EYA1: variants seen among roughly 807,000 people sequenced by gnomAD.
EYA1 encodes EYA transcriptional coactivator and phosphatase 1, also known as protein phosphatase EYA1.
EYA1 carries 16 observed loss-of-function variants against 82.0 expected under a neutral mutation model. The ratio of observed to expected loss-of-function variants is 0.20; its 90% CI spans 0.13 to 0.30. EYA1 has a LOEUF of 0.30. Ranked by LOEUF, EYA1 falls within the 10% of genes least tolerant of loss-of-function variation. EYA1 has a pLI of 1.00. For synonymous variants in EYA1, 261 were observed against 264.4 expected, an observed-to-expected ratio of 0.99 and a Z score of 0.12; for missense variants, 633 against 730.7, an observed-to-expected ratio of 0.87 and a Z score of 1.54.
chr8:71,371,700 C>T (rs1277686110), intron 2 of EYA1, among the ~76,000 whole-genome samples: 2 of 151,668 alleles, frequency 1.3e-5, no homozygotes, highest in Non-Finnish European at 2.9e-5. Flanking sequence ...AAAGCAAATG[C>T]CAGGAAAACA....
chr8:71,353,953 T>C, intron 3 of EYA1, among the ~76,000 whole-genome samples: 1 of 152,150 alleles, frequency 6.6e-6, no homozygotes, highest in East Asian at 1.9e-4. Flanking sequence ...AATTTTTCAA[T>C]AGACTAGAGT....
chr8:71,538,764 G>A (rs1250023929), intron 1 of EYA1, among the ~76,000 whole-genome samples: 1 of 152,116 alleles, frequency 6.6e-6, no homozygotes, highest in Non-Finnish European at 1.5e-5. Flanking sequence ...ATAGATTAGG[G>A]GGAAACACTG....
chr8:71,441,202 A>G (rs187073872), intron 2 of EYA1, among the ~76,000 whole-genome samples: 142 of 152,310 alleles, frequency 9.3e-4, no homozygotes, highest in African/African-American at 3.4e-3. Flanking sequence ...ACTAATATAG[A>G]TACACCTATG....
At chr8:71,211,401 T>C in intron 16 of EYA1, 145 bp from the exon 17 acceptor site, 1 of 666,518 alleles carries the variant, frequency 1.5e-6, no homozygotes, top group Non-Finnish European at 2.7e-6. Flanking sequence ...TTTATGCCAC[T>C]TGGGTTGTAT....
intron 2 of EYA1, among the ~76,000 whole-genome samples, chr8:71,411,518 T>A (rs1205043472): frequency 3.6e-5 from 5 of 138,364 alleles, no homozygotes; most frequent in Non-Finnish European, 7.8e-5. Context: ...TACAATGAAC[T>A]CAAACAAATT....
intron 2 of EYA1, among the ~76,000 whole-genome samples, chr8:71,395,980 G>C (rs1438158940): frequency 6.6e-6 from 1 of 152,158 alleles, no homozygotes. Flanking sequence ...CCTGTAATTG[G>C]TCTATTCAGG....
At chr8:71,314,231 C>A (rs1414004834) in intron 7 of EYA1, among the ~76,000 whole-genome samples, 2 of 152,046 alleles carry the variant, frequency 1.3e-5, no homozygotes, top group East Asian at 3.9e-4. Context: ...TAAAAAGACA[C>A]TCAAAGGTCA....
intron 2 of EYA1, among the ~76,000 whole-genome samples, chr8:71,406,491 C>G (rs867316261): frequency 1.3e-5 from 2 of 152,186 alleles, no homozygotes; most frequent in Admixed American, 6.5e-5. Context: ...GAGTGCCAGA[C>G]AGTGGGCGCA....
At chr8:71,317,761 TC>T in intron 6 of EYA1, 72 bp from the exon 7 acceptor site, 1 of 1,419,622 alleles carries the variant, frequency 7.0e-7, no homozygotes, top group Non-Finnish European at 9.9e-7. Context: ...AACATACACT[TC>T]CACAACCGTT....
intron 2 of EYA1, among the ~76,000 whole-genome samples, chr8:71,454,613 A>T (rs924737766): frequency 6.6e-6 from 1 of 152,202 alleles, no homozygotes; most frequent in African/African-American, 2.4e-5. Context: ...GGGTTAAGAA[A>T]CTCACTAAAA....
intron 12 of EYA1, among the ~76,000 whole-genome samples, chr8:71,228,937 G>C (rs1229156466): frequency 6.6e-6 from 1 of 152,194 alleles, no homozygotes; most frequent in Non-Finnish European, 1.5e-5. Context: ...AGGTTTTGCT[G>C]TTCCAGGCAA....
At position 71,271,134 on chromosome 8, in the gene EYA1, T is replaced by C. The variant is rs146077161; in HGVS notation, c.966+624A>G. Among the ~76,000 whole-genome samples the C allele has an allele frequency of 2.0e-5, 3 of 152,312 alleles. No homozygotes were observed. The East Asian group carries it at 5.8e-4, about 29-fold the overall frequency. On this transcript the variant is annotated intron_variant, in intron 10 of 17. Coordinates refer to ENST00000340726, the MANE Select transcript of EYA1 (RefSeq NM_000503.6). ...TCAAAACAACAAAAAGTGGATTTTA[T>C]TTATTTTTTGTATTTTTAATTTTTG... is the stretch of plus-strand genomic sequence containing the variant.
rs559018162 is a variant in EYA1 at position 71,372,112 on chromosome 8, A to G, written c.34-15601T>C. 1.2e-4 allele frequency among the ~76,000 whole-genome samples: 19 copies of G among 152,278 alleles called. No individual in the cohort carries two copies. In the East Asian group the frequency reaches 3.3e-3, roughly 26 times the overall value. ...ATTGAAAGAGCTCAATGATTACCCAACAAAAAGAGTAAAAACAACTCACAT... is the reference window on the plus strand; with the variant it reads ...ATTGAAAGAGCTCAATGATTACCCAGCAAAAAGAGTAAAAACAACTCACAT... On this transcript the variant is annotated intron_variant, in intron 2 of 18. Coordinates refer to the EYA1 transcript ENST00000643681.
At chr8:71,391,004 C>T (rs1369775360) in intron 2 of EYA1, among the ~76,000 whole-genome samples, 4 of 151,964 alleles carry the variant, frequency 2.6e-5, no homozygotes, top group Non-Finnish European at 4.4e-5. Context: ...GACAGGGTCT[C>T]GCTCTGTCAT....
chr8:71,343,697 G>A (rs972790085), intron 3 of EYA1, among the ~76,000 whole-genome samples: 3 of 152,170 alleles, frequency 2.0e-5, no homozygotes, highest in Non-Finnish European at 4.4e-5. Context: ...AAATTATCTT[G>A]TTTCAAGTAT....
chr8:71,382,424 A>G (rs2129101481), intron 2 of EYA1, among the ~76,000 whole-genome samples: 1 of 152,256 alleles, frequency 6.6e-6, no homozygotes, highest in African/African-American at 2.4e-5. Context: ...TAATTATTCC[A>G]ATGTCTAAAG....
chr8:71,266,050 G>T (rs10086468), intron 11 of EYA1, among the ~76,000 whole-genome samples: 3,929 of 152,176 alleles, frequency 0.026, 172 homozygotes, highest in African/African-American at 0.09. Flanking sequence ...CCCTAATTTT[G>T]CATTGTATCA....
intron 9 of EYA1, among the ~76,000 whole-genome samples, chr8:71,278,884 C>A (rs910765216): frequency 2.6e-5 from 4 of 152,170 alleles, no homozygotes; most frequent in Non-Finnish European, 5.9e-5. Flanking sequence ...TTCCTGCAGG[C>A]TCCTTTCTCC....
intron 2 of EYA1, among the ~76,000 whole-genome samples, chr8:71,391,734 A>T (rs899299262): frequency 6.6e-6 from 1 of 152,208 alleles, no homozygotes; most frequent in Non-Finnish European, 1.5e-5. Flanking sequence ...GGACTTACCC[A>T]GGTGTGAACC....
Sources: gnomAD v4.1 joint callset for allele counts (sites outside exome capture counted in the v4.1 genomes callset) on GRCh38, gnomAD v4.1.1 for gene constraint, MANE v1.5 for transcripts, NCBI Gene and HGNC (gene_info 2026-07-23, HGNC 2026-07-21) for gene names.